The following CACNB4 variants were observed in gnomAD, a reference collection of about 807,000 sequenced individuals.
CACNB4 encodes voltage-dependent L-type calcium channel subunit beta-4.
In CACNB4, 32 loss-of-function variants were observed where a neutral mutation model predicts 71.2. The observed-to-expected ratio is 0.45, with a 90% CI of 0.34 to 0.60. The LOEUF (loss-of-function observed/expected upper bound fraction) is 0.60, where lower values mean the gene tolerates loss of function less well. Ranked by LOEUF, CACNB4 falls within the 20% of genes least tolerant of loss-of-function variation. The pLI is 0.01. For missense variants in CACNB4, 464 were observed against 647.9 expected, an observed-to-expected ratio of 0.72 and a Z score of 3.08; for synonymous variants, 231 against 236.9, an observed-to-expected ratio of 0.97 and a Z score of 0.23.
At chr2:151,973,596 C>T (rs546421209) in intron 2 of CACNB4, 16 of 1,356,164 alleles carry the variant, frequency 1.2e-5, no homozygotes, top group Admixed American at 5.4e-5. Flanking sequence ...AAATAAGAAG[C>T]GGGGGGGTGG....
At chr2:151,991,861 G>A (rs1373535422) in intron 2 of CACNB4, among the ~76,000 whole-genome samples, 2 of 152,172 alleles carry the variant, frequency 1.3e-5, no homozygotes. Context: ...CTAAGATAAC[G>A]ACTTTCGGAG....
At chr2:151,913,583 G>C (rs1048730692) in intron 2 of CACNB4, among the ~76,000 whole-genome samples, 1 of 151,848 alleles carries the variant, frequency 6.6e-6, no homozygotes, top group Admixed American at 6.6e-5. Context: ...GGCTGACATG[G>C]TGAAAACCCA....
intron 2 of CACNB4, among the ~76,000 whole-genome samples, chr2:151,957,923 G>GA (rs905937640): frequency 3.2e-4 from 49 of 152,172 alleles, no homozygotes; most frequent in African/African-American, 1.1e-3. Context: ...ATTCTTTAGG[G>GA]AAAAAAATGG....
At chr2:152,093,882 G>A (rs1401361677) in intron 2 of CACNB4, among the ~76,000 whole-genome samples, 1 of 152,184 alleles carries the variant, frequency 6.6e-6, no homozygotes, top group Non-Finnish European at 1.5e-5. Context: ...GGGAGGTTAG[G>A]AGGCAATTTC....
chr2:151,936,996 G>A lies in CACNB4; in HGVS notation c.148-53626C>T, dbSNP rs117642642. Among the ~76,000 whole-genome samples the A allele has an allele frequency of 6.5e-3, 990 of 152,272 alleles. 13 individuals carry two copies. The highest frequency in any genetic ancestry group is 0.034 in the East Asian group (175 of 5,180). On this transcript the variant is annotated intron_variant, in intron 2 of 13. Transcript: ENST00000539935. ...GAGAATGTATTTGGTATTTTTATGC[G>A]TCTCACTGAATAAGTTTTCTTTGTA...
intron 2 of CACNB4, among the ~76,000 whole-genome samples, chr2:151,984,638 C>T (rs927117249): frequency 6.6e-6 from 1 of 152,182 alleles, no homozygotes; most frequent in Non-Finnish European, 1.5e-5. Flanking sequence ...CTTCCTTTCA[C>T]ATTCAGCCTT....
chr2:151,987,324 T>C (rs1252420296), intron 2 of CACNB4, among the ~76,000 whole-genome samples: 1 of 152,036 alleles, frequency 6.6e-6, no homozygotes, highest in Non-Finnish European at 1.5e-5. Context: ...CGTAGCTCAG[T>C]GGGGGGCAGC....
chr2:151,877,291 A>G (rs1174990834), intron 4 of CACNB4, among the ~76,000 whole-genome samples: 1 of 152,154 alleles, frequency 6.6e-6, no homozygotes, highest in Admixed American at 6.5e-5. Context: ...AGCCACAGAC[A>G]AACATCAACA....
intron 2 of CACNB4, among the ~76,000 whole-genome samples, chr2:152,071,022 T>C (rs1686659076): frequency 6.6e-6 from 1 of 152,228 alleles, no homozygotes. Context: ...TGCCTCGGCT[T>C]CCCAGAGTGC....
chr2:151,863,625 T>C (rs1196096484), intron 9 of CACNB4, among the ~76,000 whole-genome samples: 1 of 152,184 alleles, frequency 6.6e-6, no homozygotes, highest in Non-Finnish European at 1.5e-5. Flanking sequence ...AAGAGACTCT[T>C]GGTTCTTCAA....
intron 2 of CACNB4, among the ~76,000 whole-genome samples, chr2:152,029,367 ACCTGTAAT>A (rs763019426): frequency 2.0e-5 from 3 of 151,770 alleles, no homozygotes; most frequent in Admixed American, 1.3e-4. Flanking sequence ...GGTGTTGTGC[ACCTGTAAT>A]CCCAGCTACT....
chr2:151,919,260 C>G (rs2099858318), intron 2 of CACNB4, among the ~76,000 whole-genome samples: 1 of 152,174 alleles, frequency 6.6e-6, no homozygotes, highest in Non-Finnish European at 1.5e-5. Context: ...GAGACAAGGT[C>G]TCACTCATTC....
At chr2:151,980,714 C>A (rs912258705) in intron 2 of CACNB4, among the ~76,000 whole-genome samples, 1 of 152,116 alleles carries the variant, frequency 6.6e-6, no homozygotes, top group African/African-American at 2.4e-5. Context: ...CTAAGAAAAC[C>A]CAGAACATGA....
intron 2 of CACNB4, chr2:151,972,449 A>T (rs1326967856): frequency 6.6e-6 from 1 of 152,252 alleles, no homozygotes; most frequent in Non-Finnish European, 1.5e-5. Context: ...GCAAGTGTGG[A>T]CCTTCTTGAT....
At chr2:151,883,198 T>C in intron 3 of CACNB4, 53 bp downstream of exon 3, 1 of 1,588,316 alleles carries the variant, frequency 6.3e-7, no homozygotes, top group Non-Finnish European at 8.6e-7. Flanking sequence ...GAGCAGCTGG[T>C]AGCCACTGAG....
intron 9 of CACNB4, among the ~76,000 whole-genome samples, chr2:151,864,417 A>G (rs994113823): frequency 6.6e-6 from 1 of 152,210 alleles, no homozygotes; most frequent in African/African-American, 2.4e-5. Context: ...GTGGAAAGAT[A>G]TTACTTTCAG....
chr2:151,930,281 C>T (rs912831028), intron 2 of CACNB4, among the ~76,000 whole-genome samples: 1 of 152,120 alleles, frequency 6.6e-6, no homozygotes, highest in African/African-American at 2.4e-5. Flanking sequence ...ATAGATGTTG[C>T]AAAAGCTGGC....
At chr2:152,029,389 G>A (rs777292385) in intron 2 of CACNB4, among the ~76,000 whole-genome samples, 12 of 151,586 alleles carry the variant, frequency 7.9e-5, no homozygotes, top group Non-Finnish European at 1.5e-4. Flanking sequence ...AGCTACTCAG[G>A]AGGTTGAGGC....
At chr2:151,869,315 G>GAAATATAGAT in intron 8 of CACNB4, 80 bp from the exon 9 acceptor site, 1 of 838,608 alleles carries the variant, frequency 1.2e-6, no homozygotes, top group Non-Finnish European at 2.0e-6. Context: ...AGAGGAGGGA[G>GAAATATAGAT]GGAAGGGTAC....
Sources: allele counts gnomAD v4.1 joint callset (sites outside exome capture counted in the v4.1 genomes callset), GRCh38; gene constraint gnomAD v4.1.1; transcripts MANE v1.5; gene names NCBI Gene and HGNC (gene_info 2026-07-23, HGNC 2026-07-21).